The following CNTN3 variants were observed in gnomAD, a reference collection of about 807,000 sequenced individuals.
The protein encoded by CNTN3 is contactin-3.
Under a neutral mutation model 119.1 loss-of-function variants are expected in CNTN3, and 60 were observed. The ratio of observed to expected loss-of-function variants is 0.50; its 90% CI spans 0.41 to 0.62. The LOEUF (loss-of-function observed/expected upper bound fraction) is 0.62. Among genes scored for constraint, CNTN3 ranks in the 20% least tolerant of loss-of-function variants. The probability of loss-of-function intolerance (pLI) is 0.00; values close to 1 mark genes in which losing one functional copy is unlikely to be tolerated. For missense variants in CNTN3, 1,101 were observed against 1,242.4 expected (o/e 0.89, Z 1.71); for synonymous variants, 450 against 438.7 (o/e 1.03, Z -0.32).
intron 4 of CNTN3, among the ~76,000 whole-genome samples, chr3:74,436,762 CA>C (rs1201864502): frequency 6.6e-6 from 1 of 152,004 alleles, no homozygotes; most frequent in Non-Finnish European, 1.5e-5. Context: ...AAATACAAAA[CA>C]AAAATCTTCA....
chr3:74,594,765 A>G (rs1009546424), intron 1 of CNTN3, among the ~76,000 whole-genome samples: 13 of 151,978 alleles, frequency 8.6e-5, no homozygotes. Context: ...ATACGTGTGC[A>G]TGTGTCTTTA....
chr3:74,488,253 C>T (rs1358726079), intron 3 of CNTN3, among the ~76,000 whole-genome samples: 1 of 151,954 alleles, frequency 6.6e-6, no homozygotes, highest in Non-Finnish European at 1.5e-5. Flanking sequence ...GCTGGGACTA[C>T]AGGCGCCCGA....
intron 3 of CNTN3, among the ~76,000 whole-genome samples, chr3:74,489,626 C>A (rs1702926058): frequency 6.8e-6 from 1 of 147,442 alleles, no homozygotes; most frequent in South Asian, 2.2e-4. Flanking sequence ...CTGTTCCCAC[C>A]CCCACCCCTC....
At chr3:74,556,753 T>C (rs546963951) in intron 1 of CNTN3, among the ~76,000 whole-genome samples, 1 of 152,314 alleles carries the variant, frequency 6.6e-6, no homozygotes. Context: ...TACTATCCCA[T>C]CTGCAGTGTA....
intron 1 of CNTN3, among the ~76,000 whole-genome samples, chr3:74,582,822 C>T (rs528203784): frequency 1.5e-4 from 20 of 131,608 alleles, no homozygotes; most frequent in African/African-American, 2.8e-4. Context: ...TGTGACCCTA[C>T]GACACAGAAT....
intron 4 of CNTN3, among the ~76,000 whole-genome samples, chr3:74,430,273 A>AGT (rs1339858872): frequency 3.3e-5 from 5 of 152,224 alleles, no homozygotes; most frequent in Admixed American, 1.3e-4. Flanking sequence ...CTAAATGCAC[A>AGT]GTGCTACATC....
intron 1 of CNTN3, among the ~76,000 whole-genome samples, chr3:74,589,822 T>C (rs906583348): frequency 4.0e-5 from 6 of 151,398 alleles, no homozygotes; most frequent in South Asian, 4.2e-4. Flanking sequence ...ATGGATGAAA[T>C]TGGAAATCAT....
intron 1 of CNTN3, among the ~76,000 whole-genome samples, chr3:74,611,593 A>G (rs1705082876): frequency 1.3e-5 from 2 of 152,166 alleles, no homozygotes; most frequent in Admixed American, 1.3e-4. Flanking sequence ...AATTTCAAAG[A>G]AATGTTCTAT....
intron 5 of CNTN3, among the ~76,000 whole-genome samples, chr3:74,381,014 C>T (rs1704604476): frequency 6.6e-6 from 1 of 151,470 alleles, no homozygotes; most frequent in Admixed American, 6.6e-5. Context: ...GTCTTCTTAC[C>T]AGGGACAATG....
chr3:74,395,782 A>C (rs1041937348), intron 5 of CNTN3, among the ~76,000 whole-genome samples: 4 of 152,028 alleles, frequency 2.6e-5, no homozygotes, highest in Middle Eastern at 3.2e-3. Context: ...TTTTAAATTG[A>C]AGGTGTGTGG....
At position 74,301,405 on chromosome 3, in the gene CNTN3, T is replaced by A. The variant is rs755001237; in HGVS notation, c.2088A>T (p.Glu696Asp). 9 of 1,613,796 alleles carry A rather than the reference T, an allele frequency of 5.6e-6. No homozygotes were observed. In the East Asian group the frequency reaches 2.0e-4, roughly 36 times the overall value. The change falls in exon 16 of 23, where the codon GAA becomes GAT. Residue 696 changes from glutamate to aspartate, a missense_variant. Coordinates refer to ENST00000263665, the MANE Select transcript of CNTN3 (RefSeq NM_020872.3). ...AGAAAAAAAAACACTAACCTGCCTC[T>A]TCAGTTCTTACTTTTTCTGAGGGTA... ...PSLPSEKVRTEEAVPEVPPSE... is the reference protein window; with the variant it reads ...PSLPSEKVRTDEAVPEVPPSE...
At chr3:74,518,997 A>G (rs1703497309) in intron 2 of CNTN3, among the ~76,000 whole-genome samples, 3 of 151,848 alleles carry the variant, frequency 2.0e-5, no homozygotes. Flanking sequence ...TTTTTAAAAA[A>G]TAATTTCATG....
chr3:74,469,586 A>C (rs1020492680), intron 4 of CNTN3, among the ~76,000 whole-genome samples: 1 of 152,172 alleles, frequency 6.6e-6, no homozygotes, highest in Non-Finnish European at 1.5e-5. Flanking sequence ...TTGGCCAGTA[A>C]ACACATGAAA....
intron 1 of CNTN3, among the ~76,000 whole-genome samples, chr3:74,549,813 A>G (rs562123324): frequency 1.9e-4 from 29 of 152,320 alleles, no homozygotes; most frequent in Admixed American, 1.5e-3. Context: ...TATTAGAACT[A>G]CGAGCAAGAG....
intron 11 of CNTN3, among the ~76,000 whole-genome samples, chr3:74,338,519 T>C (rs1477986183): frequency 6.6e-6 from 1 of 151,754 alleles, no homozygotes; most frequent in Non-Finnish European, 1.5e-5. Context: ...TACACATATG[T>C]GTGTATATAT....
chr3:74,450,461 C>G (rs545468964), intron 4 of CNTN3, among the ~76,000 whole-genome samples: 1 of 150,818 alleles, frequency 6.6e-6, no homozygotes, highest in African/African-American at 2.4e-5. Flanking sequence ...CTGCAAACAA[C>G]CTAAATGATT....
At chr3:74,593,351 G>A (rs1386288976) in intron 1 of CNTN3, among the ~76,000 whole-genome samples, 3 of 151,858 alleles carry the variant, frequency 2.0e-5, no homozygotes, top group Non-Finnish European at 4.4e-5. Context: ...AACAGCTTCT[G>A]GTACAAAGGT....
chr3:74,598,025 A>G (rs1259240662), intron 1 of CNTN3, among the ~76,000 whole-genome samples: 2 of 152,062 alleles, frequency 1.3e-5, no homozygotes, highest in African/African-American at 2.4e-5. Flanking sequence ...GGAAGATTAT[A>G]AAGATGATAG....
At chr3:74,567,784 T>A (rs1052773902) in intron 1 of CNTN3, among the ~76,000 whole-genome samples, 7 of 152,108 alleles carry the variant, frequency 4.6e-5, no homozygotes, top group African/African-American at 1.7e-4. Flanking sequence ...GAGGGGAGTT[T>A]TAAGAGTATG....
Sources: gnomAD v4.1 joint callset for allele counts (sites outside exome capture counted in the v4.1 genomes callset) on GRCh38, gnomAD v4.1.1 for gene constraint, MANE v1.5 for transcripts, NCBI Gene and HGNC (gene_info 2026-07-23, HGNC 2026-07-21) for gene names.